Variants in PDE3A observed in about 807,000 individuals in gnomAD.
The protein encoded by PDE3A is cGMP-inhibited 3',5'-cyclic phosphodiesterase 3A.
A neutral mutation model predicts 98.3 loss-of-function variants in PDE3A; 43 were observed. That is an observed-to-expected ratio of 0.44 (90% CI 0.34 to 0.56). The LOEUF (loss-of-function observed/expected upper bound fraction) is 0.56. Ranked by LOEUF, PDE3A falls within the 20% of genes least tolerant of loss-of-function variation. The pLI is 0.01. For synonymous variants in PDE3A, 663 were observed against 567.9 expected, an observed-to-expected ratio of 1.17 and a Z score of -2.38; for missense variants, 1,427 against 1,440.7, an observed-to-expected ratio of 0.99 and a Z score of 0.15.
chr12:20,611,103 A>G (rs1484512302), intron 2 of PDE3A, among the ~76,000 whole-genome samples: 1 of 151,948 alleles, frequency 6.6e-6, no homozygotes, highest in Non-Finnish European at 1.5e-5. Context: ...GTCTCACTAT[A>G]GTAACCATTT....
intron 15 of PDE3A, among the ~76,000 whole-genome samples, chr12:20,668,637 T>C (rs1370139785): frequency 6.6e-6 from 1 of 151,714 alleles, no homozygotes; most frequent in African/African-American, 2.4e-5. Flanking sequence ...CAGCTGAGGG[T>C]CCTGTCTGTT....
intron 1 of PDE3A, among the ~76,000 whole-genome samples, chr12:20,477,830 C>T (rs1391197765): frequency 6.6e-6 from 1 of 152,142 alleles, no homozygotes; most frequent in Non-Finnish European, 1.5e-5. Flanking sequence ...CCTCGTAGCC[C>T]ATGCCTTTCT....
intron 1 of PDE3A, among the ~76,000 whole-genome samples, chr12:20,492,371 G>T (rs890390119): frequency 6.0e-5 from 9 of 149,438 alleles, no homozygotes; most frequent in Non-Finnish European, 1.3e-4. Flanking sequence ...GCACAGCACA[G>T]CCTCTGGAGC....
chr12:20,398,724 C>G (rs1944066531), intron 1 of PDE3A, among the ~76,000 whole-genome samples: 2 of 151,976 alleles, frequency 1.3e-5, no homozygotes, highest in South Asian at 4.2e-4. Context: ...ATTCTTAAAC[C>G]AAAACTTTTG....
intron 1 of PDE3A, among the ~76,000 whole-genome samples, chr12:20,543,697 TTAA>T (rs1306137573): frequency 6.6e-6 from 1 of 151,992 alleles, no homozygotes; most frequent in Non-Finnish European, 1.5e-5. Context: ...CTATTCTAGT[TTAA>T]TAGAAAGTCA....
At chr12:20,492,913 A>T (rs1278288730) in intron 1 of PDE3A, among the ~76,000 whole-genome samples, 2 of 152,138 alleles carry the variant, frequency 1.3e-5, no homozygotes, top group African/African-American at 4.8e-5. Context: ...GCGGGAATAA[A>T]GACTTACAAG....
intron 2 of PDE3A, among the ~76,000 whole-genome samples, chr12:20,607,238 A>G (rs1463466615): frequency 6.6e-6 from 1 of 152,072 alleles, no homozygotes; most frequent in Non-Finnish European, 1.5e-5. Flanking sequence ...CAGGAGTTCA[A>G]GACCAGCCTG....
At position 20,687,807 on chromosome 12, in the gene PDE3A, G is replaced by A. The variant is rs149952237; in HGVS notation, c.*7536G>A. On this transcript the variant is annotated 3_prime_UTR_variant, in exon 16 of 16. Transcript: ENST00000359062. ...AGGAAATTTAATCTGAATTTAGAGTGTTTTAGGTTTTGGTTGGTTTGAATA... is the reference window on the plus strand; with the variant it reads ...AGGAAATTTAATCTGAATTTAGAGTATTTTAGGTTTTGGTTGGTTTGAATA... Among the ~76,000 whole-genome samples the A allele has an allele frequency of 5.1e-4, 75 of 145,898 alleles. 1 individual carries two copies. In the East Asian group the frequency reaches 0.012, roughly 23 times the overall value.
At chr12:20,638,769 A>G (rs565341788) in intron 9 of PDE3A, among the ~76,000 whole-genome samples, 143 of 152,240 alleles carry the variant, frequency 9.4e-4, no homozygotes, top group Non-Finnish European at 6.8e-4. Flanking sequence ...GTTCCCTGGT[A>G]TAGAGAGACA....
At chr12:20,663,199 G>A (rs1425656461) in intron 15 of PDE3A, among the ~76,000 whole-genome samples, 2 of 152,240 alleles carry the variant, frequency 1.3e-5, no homozygotes, top group African/African-American at 4.8e-5. Flanking sequence ...GTATGGCAAT[G>A]CCTGGATGTC....
chr12:20,556,786 G>A, intron 2 of PDE3A, 76 bp downstream of exon 2: 1 of 1,077,716 alleles, frequency 9.3e-7, no homozygotes, highest in Non-Finnish European at 1.4e-6. Flanking sequence ...AAACTCAAGA[G>A]ATAATAAAAT....
At chr12:20,564,004 T>C (rs1418109942) in intron 2 of PDE3A, among the ~76,000 whole-genome samples, 2 of 152,138 alleles carry the variant, frequency 1.3e-5, no homozygotes, top group African/African-American at 4.8e-5. Flanking sequence ...AAATCTATCA[T>C]AGTAGGGATA....
At chr12:20,549,081 A>G (rs919269009) in intron 1 of PDE3A, among the ~76,000 whole-genome samples, 1 of 152,046 alleles carries the variant, frequency 6.6e-6, no homozygotes. Flanking sequence ...TAAATGCCTC[A>G]TTTTATTTTA....
At chr12:20,476,652 A>G (rs755022099) in intron 1 of PDE3A, among the ~76,000 whole-genome samples, 1 of 152,202 alleles carries the variant, frequency 6.6e-6, no homozygotes, top group African/African-American at 2.4e-5. Flanking sequence ...AACTGGTTTC[A>G]TATGATTATC....
Position 20,369,710 on chromosome 12 carries a change from C to G in PDE3A, c.426C>G (p.Ala142=). Residue 142 remains alanine (A), a synonymous_variant, in exon 1 of 16, where the codon GCC becomes GCG. Transcript: ENST00000359062. The part of the protein sequence containing the change: ...PSALLFSLLC[A]FFWMGLYLLR... ...CGCTGCTCTTCAGTCTCCTGTGTGC[C>G]TTCTTCTGGATGGGCTTGTACCTCC... The G allele has an allele frequency of 3.1e-6, 5 of 1,612,258 alleles. No individual in the cohort carries two copies. The highest frequency in any genetic ancestry group is 3.4e-6 in the Non-Finnish European group (4 of 1,179,738).
chr12:20,533,122 T>C (rs1263895016), intron 1 of PDE3A, among the ~76,000 whole-genome samples: 1 of 152,234 alleles, frequency 6.6e-6, no homozygotes, highest in East Asian at 1.9e-4. Flanking sequence ...CATTTTAGCA[T>C]TTATGTAATT....
chr12:20,597,976 GT>G (rs902901741), intron 2 of PDE3A, among the ~76,000 whole-genome samples: 2 of 151,754 alleles, frequency 1.3e-5, no homozygotes, highest in South Asian at 2.1e-4. Context: ...TCATACTTAT[GT>G]TTTTTTTGTG....
At chr12:20,511,893 A>ATTTATTT in intron 1 of PDE3A, among the ~76,000 whole-genome samples, 1 of 152,148 alleles carries the variant, frequency 6.6e-6, no homozygotes, top group Non-Finnish European at 1.5e-5. Flanking sequence ...TGATGTAATT[A>ATTTATTT]GAATACCAGT....
intron 1 of PDE3A, among the ~76,000 whole-genome samples, chr12:20,417,778 G>A (rs1944446200): frequency 6.6e-6 from 1 of 152,182 alleles, no homozygotes; most frequent in Admixed American, 6.5e-5. Flanking sequence ...GCAGGTATTT[G>A]TTGAGTACTT....
Sources: gnomAD v4.1 joint callset for allele counts (sites outside exome capture counted in the v4.1 genomes callset) on GRCh38, gnomAD v4.1.1 for gene constraint, MANE v1.5 for transcripts, NCBI Gene and HGNC (gene_info 2026-07-23, HGNC 2026-07-21) for gene names.